The following GLIS3 variants were observed in gnomAD, a reference collection of about 807,000 sequenced individuals.
GLIS3 encodes zinc finger protein GLIS3.
GLIS3 carries 53 observed loss-of-function variants against 78.6 expected under a neutral mutation model. The ratio of observed to expected loss-of-function variants is 0.67; its 90% confidence interval spans 0.54 to 0.85. The LOEUF (loss-of-function observed/expected upper bound fraction) is 0.85, where lower values mean the gene tolerates loss of function less well. Among genes scored for constraint, GLIS3 ranks in the 40% least tolerant of loss-of-function variants. The pLI is 0.00. For missense variants in GLIS3, 1,703 were observed against 1,231.1 expected (o/e 1.38, Z -5.74); for synonymous variants, 684 against 509.9 (o/e 1.34, Z -4.60).
chr9:4,293,339 C>G (rs1359856432), intron 1 of GLIS3, among the ~76,000 whole-genome samples: 1 of 152,196 alleles, frequency 6.6e-6, no homozygotes, highest in African/African-American at 2.4e-5. Context: ...ATTTTTCCTT[C>G]AGCATAGTTA....
At chr9:4,173,049 A>T (rs1274231020) in intron 2 of GLIS3, among the ~76,000 whole-genome samples, 1 of 152,168 alleles carries the variant, frequency 6.6e-6, no homozygotes, top group East Asian at 1.9e-4. Context: ...TTAAGAAAGC[A>T]CAGCTGTGGG....
chr9:4,015,743 G>C (rs1822377565), intron 4 of GLIS3, among the ~76,000 whole-genome samples: 1 of 151,964 alleles, frequency 6.6e-6, no homozygotes, highest in African/African-American at 2.4e-5. Context: ...CAAAGTATTA[G>C]TCGAGAGTGG....
intron 9 of GLIS3, among the ~76,000 whole-genome samples, chr9:3,832,171 C>T (rs968784646): frequency 6.7e-6 from 1 of 149,894 alleles, no homozygotes; most frequent in African/African-American, 2.4e-5. Context: ...TGAGTTAATA[C>T]TTACATATTA....
chr9:4,054,485 A>G (rs1825976647), intron 4 of GLIS3: 12 of 985,300 alleles, frequency 1.2e-5, no homozygotes, highest in Non-Finnish European at 1.4e-5. Context: ...GTCAGGGCCT[A>G]CGGGTTCTGC....
the GLIS3 span, among the ~76,000 whole-genome samples, chr9:4,356,822 G>A: frequency 2.0e-5 from 3 of 152,246 alleles, no homozygotes; most frequent in African/African-American, 7.2e-5. Flanking sequence ...AAAGCCTTTT[G>A]GATGTAAAAT....
At chr9:4,179,044 T>C (rs906681881) in intron 2 of GLIS3, among the ~76,000 whole-genome samples, 2 of 152,188 alleles carry the variant, frequency 1.3e-5, no homozygotes, top group South Asian at 2.1e-4. Flanking sequence ...CATTCTGCAA[T>C]CACAAAAAGT....
chr9:4,254,461 G>C (rs187501733), intron 2 of GLIS3, among the ~76,000 whole-genome samples: 11 of 152,234 alleles, frequency 7.2e-5, no homozygotes, highest in African/African-American at 2.4e-4. Context: ...AGTCCTGACA[G>C]TAAATACTGC....
chr9:3,907,679 CA>C (rs1823818638), intron 6 of GLIS3, among the ~76,000 whole-genome samples: 1 of 151,302 alleles, frequency 6.6e-6, no homozygotes, highest in Admixed American at 6.6e-5. Flanking sequence ...TCCTTTGCCT[CA>C]AAGTGAGACA....
the GLIS3 span, among the ~76,000 whole-genome samples, chr9:4,366,523 C>A: frequency 2.0e-5 from 3 of 152,300 alleles, no homozygotes; most frequent in South Asian, 6.2e-4. Context: ...TGTTTCTTTC[C>A]TGTATTCAGA....
At chr9:4,407,609 C>G in the GLIS3 span, among the ~76,000 whole-genome samples, 1 of 152,092 alleles carries the variant, frequency 6.6e-6, no homozygotes, top group Non-Finnish European at 1.5e-5. Context: ...ATCTCGCCAC[C>G]GCACTCCAGC....
At chr9:4,254,649 G>C (rs1433542675) in intron 2 of GLIS3, among the ~76,000 whole-genome samples, 2 of 152,088 alleles carry the variant, frequency 1.3e-5, no homozygotes, top group African/African-American at 4.8e-5. Flanking sequence ...AGACCAGCCT[G>C]GCCAACATGG....
chr9:3,971,835 A>C (rs1818403175), intron 4 of GLIS3, among the ~76,000 whole-genome samples: 1 of 152,164 alleles, frequency 6.6e-6, no homozygotes, highest in African/African-American at 2.4e-5. Flanking sequence ...CCAGAGTTGG[A>C]AAGAAAGGAG....
rs111663348 is a variant in GLIS3 at position 3,916,920 on chromosome 9, A to G, written c.1983+15440T>C. 5.6e-3 allele frequency among the ~76,000 whole-genome samples: 859 copies of G among 152,344 alleles called. 15 individuals are homozygous for G. Among genetic ancestry groups the G allele is most frequent in the African/African-American group, 0.02 (832 of 41,576 alleles). On this transcript the variant is annotated intron_variant, in intron 6 of 10. Coordinates refer to ENST00000381971, the MANE Select transcript of GLIS3 (RefSeq NM_001042413.2). ...TATATTCAAGAGGGAAACTTGAACT[A>G]AAAGACAGCACAGGGAGTCTAAAGA...
At chr9:4,353,277 G>A (rs570724594), upstream of GLIS3, among the ~76,000 whole-genome samples, 1 of 152,258 alleles carries the variant, frequency 6.6e-6, no homozygotes, top group East Asian at 1.9e-4. Flanking sequence ...CTGTAGCCCA[G>A]CAACTCCTCA....
Position 3,932,333 on chromosome 9 carries a change from G to A in GLIS3, c.1983+27C>T, listed in dbSNP as rs774355123. On this transcript the variant is annotated intron_variant, in intron 6 of 10. Coordinates refer to ENST00000381971, the MANE Select transcript of GLIS3 (RefSeq NM_001042413.2). ...AGAATAATCTGAACATGCTTTTCCC[G>A]ACTGGAAGATTCTCTTTTAAAATTA... 5.5e-5 allele frequency: 84 copies of A among 1,530,482 alleles called. No individual in the cohort carries two copies. The South Asian group carries it at 7.7e-4, about 14-fold the overall frequency. 94.8% of individuals were successfully genotyped at this position (1,530,482 alleles called of 1,614,324 possible).
chr9:4,445,931 C>A, the GLIS3 span, among the ~76,000 whole-genome samples: 1 of 152,154 alleles, frequency 6.6e-6, no homozygotes, highest in Non-Finnish European at 1.5e-5. Flanking sequence ...GTAGTTTTCA[C>A]CATATCAGAG....
Position 4,326,757 on chromosome 9 carries a change from A to G in GLIS3, n.265-16229T>C, listed in dbSNP as rs563649822. On this transcript the variant is annotated intron_variant and non_coding_transcript_variant, in intron 2 of 4. Coordinates refer to the GLIS3 transcript ENST00000471664. ...TACAGCAACAGCAAGGACAAAAAAA[A>G]TGAGAGAGAATTGGAAACATAGGCT... Among the ~76,000 whole-genome samples the G allele has an allele frequency of 3.3e-5, 5 of 152,302 alleles. No individual in the cohort carries two copies. In the South Asian group the frequency reaches 1.0e-3, roughly 32 times the overall value.
At chr9:3,845,852 T>C (rs996040038) in intron 9 of GLIS3, among the ~76,000 whole-genome samples, 7 of 152,308 alleles carry the variant, frequency 4.6e-5, no homozygotes, top group East Asian at 1.9e-4. Flanking sequence ...AATAGCAGCA[T>C]TGCAGAATGG....
At chr9:4,334,242 G>T (rs1008499458) in intron 2 of GLIS3, among the ~76,000 whole-genome samples, 3 of 152,338 alleles carry the variant, frequency 2.0e-5, no homozygotes, top group African/African-American at 7.2e-5. Flanking sequence ...TTCCAGGCAG[G>T]TTCTAAATCT....
Sources: gnomAD v4.1 joint callset for allele counts (sites outside exome capture counted in the v4.1 genomes callset) on GRCh38, gnomAD v4.1.1 for gene constraint, MANE v1.5 for transcripts, NCBI Gene and HGNC (gene_info 2026-07-23, HGNC 2026-07-21) for gene names.